The following FCSK variants were observed in gnomAD, a reference collection of about 807,000 sequenced individuals.
The protein encoded by FCSK is fucose kinase, also known as L-fucose kinase.
In FCSK, 123 loss-of-function variants were observed where a neutral mutation model predicts 122.5. The observed-to-expected ratio is 1.00, with a 90% CI of 0.87 to 1.17. The LOEUF (loss-of-function observed/expected upper bound fraction) is 1.17, where lower values mean the gene tolerates loss of function less well. Ranked by LOEUF, FCSK falls within the 50% of genes most tolerant of loss-of-function variation. The pLI is 0.00. For missense variants in FCSK, 1,366 were observed against 1,450.4 expected, an observed-to-expected ratio of 0.94 and a Z score of 0.95; for synonymous variants, 620 against 625.5, an observed-to-expected ratio of 0.99 and a Z score of 0.13.
At position 70,455,441 on chromosome 16, in the gene FCSK, C is replaced by G. The variant is rs571855979; in HGVS notation, c.-23+811C>G. On this transcript the variant is annotated intron_variant, in intron 1 of 23. Transcript: ENST00000288078. Reference sequence around the variant, plus strand: ...TGGAGGTTGCAGTGAGCCAAGATCACGCCACTGCACTCCACCCTGGGCGAC... The same window carrying G: ...TGGAGGTTGCAGTGAGCCAAGATCAGGCCACTGCACTCCACCCTGGGCGAC... 2.6e-5 allele frequency among the ~76,000 whole-genome samples: 4 copies of G among 151,880 alleles called. No homozygotes were observed. The South Asian group carries it at 8.3e-4, about 32-fold the overall frequency.
At chr16:70,477,614 G>A (rs1010561781) in intron 20 of FCSK, 4 of 152,296 alleles carry the variant, frequency 2.6e-5, no homozygotes, top group Admixed American at 6.5e-5. Context: ...TAAACCACCT[G>A]TCAGAAGACG....
chr16:70,479,135 G>A lies in FCSK; in HGVS notation c.2930-45G>A, dbSNP rs375222635. On this transcript the variant is annotated intron_variant, in intron 22 of 23. Coordinates refer to ENST00000288078, the MANE Select transcript of FCSK (RefSeq NM_145059.3). ...TTCATGCAATCTCCAGATGGGTGCT[G>A]AGTATCTTGGCCCAGGCACGTCACT... 3 of 1,427,674 alleles carry A rather than the reference G, an allele frequency of 2.1e-6. No individual in the cohort carries two copies. In the African/African-American group the frequency reaches 4.2e-5, roughly 20 times the overall value. The allele number at this position is 1,427,674 out of a possible 1,614,324, so 88.4% of individuals were successfully genotyped here. A position where few individuals can be genotyped will look rare whatever the true frequency, so the allele number is the denominator to read the frequency against.
intron 1 of FCSK, among the ~76,000 whole-genome samples, chr16:70,460,205 G>GGGTTCA (rs1163213122): frequency 1.4e-5 from 2 of 147,384 alleles, no homozygotes; most frequent in Middle Eastern, 3.3e-3. Context: ...TCCGCCTCCC[G>GGGTTCA]GGTTCATGCC....
chr16:70,478,511 G>T, intron 21 of FCSK, 40 bp from the exon 22 acceptor site: 1 of 1,613,446 alleles, frequency 6.2e-7, no homozygotes, highest in Non-Finnish European at 8.5e-7. Flanking sequence ...TGCCAGCTGG[G>T]CCTGGGTCCT....
rs534767610 is a variant in FCSK at position 70,473,279 on chromosome 16, T to G, written c.1703T>G (p.Leu568Arg). ...CACGTGCTGGAGGCCCGGCAGGACCTCAGCCTGCGCCCGCTGATCTGGGCT... is the reference window on the plus strand; with the variant it reads ...CACGTGCTGGAGGCCCGGCAGGACCGCAGCCTGCGCCCGCTGATCTGGGCT... ...ARHVLEARQDLSLRPLIWAAV... is the reference protein window; with the variant it reads ...ARHVLEARQDRSLRPLIWAAV... The change falls in exon 15 of 24, where the codon CTC (leucine) becomes CGC (arginine). Residue 568 changes from leucine to arginine, a missense_variant. Physicochemically the swap from Leu to Arg is moderately radical, Grantham distance 102. Coordinates refer to ENST00000288078, the MANE Select transcript of FCSK (RefSeq NM_145059.3). The surrounding 1 kb of genome is among the most constrained non-coding windows in gnomAD (Gnocchi z 4.9). The G allele has an allele frequency of 2.0e-6, 3 of 1,529,894 alleles. No individual in the cohort carries two copies. Among genetic ancestry groups the G allele is most frequent in the East Asian group, 4.9e-5 (2 of 40,616 alleles). 94.8% of individuals were successfully genotyped at this position (1,529,894 alleles called of 1,614,324 possible). A position where few individuals can be genotyped will look rare whatever the true frequency, so the allele number is the denominator to read the frequency against.
chr16:70,476,688 C>T (rs1266026122), intron 20 of FCSK, among the ~76,000 whole-genome samples: 1 of 152,210 alleles, frequency 6.6e-6, no homozygotes, highest in Non-Finnish European at 1.5e-5. Flanking sequence ...CTACTGAAGC[C>T]TGACTGTGGT....
chr16:70,466,160 G>T lies in FCSK; in HGVS notation c.314G>T (p.Gly105Val), dbSNP rs773180754. 10 of 1,613,876 alleles carry T rather than the reference G, an allele frequency of 6.2e-6. No individual in the cohort carries two copies. Among genetic ancestry groups the T allele is most frequent in the Non-Finnish European group, 8.5e-6 (10 of 1,179,920 alleles). Residue 105 changes from glycine to valine, a missense_variant, in exon 5 of 24, where the codon GGC becomes GTC. Transcript: ENST00000288078. The stretch of plus-strand genomic sequence containing the variant: ...CGAGACTTCCCCTTTGATGACTGTG[G>T]CAGGGCTTTCACCTGCCTCCCCGTG... ...MGRDFPFDDCGRAFTCLPVEN... is the reference protein window; with the variant it reads ...MGRDFPFDDCVRAFTCLPVEN...
Position 70,466,906 on chromosome 16 carries a change from G to C in FCSK, c.436G>C (p.Val146Leu), listed in dbSNP as rs17881323. The C allele has an allele frequency of 2.5e-6, 4 of 1,613,910 alleles. No homozygotes were observed. Among genetic ancestry groups the C allele is most frequent in the South Asian group, 2.2e-5 (2 of 91,080 alleles). ...GCTGGGCCCGGGCTCCCCGCCAGGC[G>C]TGTGGGTCTGCAGCACCGACATGCT... is the stretch of plus-strand genomic sequence containing the variant. Reference protein sequence around the residue: ...YRLGPGSPPGVWVCSTDMLLS... With the variant: ...YRLGPGSPPGLWVCSTDMLLS... The change falls in exon 6 of 24, where the codon GTG becomes CTG. Residue 146 changes from valine (V) to leucine (L), a missense_variant. Val to Leu is a conservative substitution (Grantham distance 32). Coordinates refer to ENST00000288078, the MANE Select transcript of FCSK (RefSeq NM_145059.3).
chr16:70,465,989 A>G (rs1400952320), intron 4 of FCSK, 143 bp from the exon 5 acceptor site: 1 of 868,546 alleles, frequency 1.2e-6, no homozygotes, highest in Non-Finnish European at 1.8e-6. Context: ...TGCAATGCAT[A>G]ATATAAAAAT....
intron 5 of FCSK, chr16:70,466,460 A>G (rs953633201): frequency 3.3e-6 from 2 of 597,124 alleles, no homozygotes; most frequent in Admixed American, 3.1e-5. Context: ...TGAGAAGCCA[A>G]AGTGGGAGGA....
intron 20 of FCSK, among the ~76,000 whole-genome samples, chr16:70,476,924 G>A (rs1402716029): frequency 6.6e-6 from 1 of 152,202 alleles, no homozygotes; most frequent in African/African-American, 2.4e-5. Context: ...GCCCTCAAAA[G>A]TCCTGTGGTC....
chr16:70,475,361 A>G lies in FCSK; in HGVS notation c.2389A>G (p.Lys797Glu). Residue 797 changes from lysine (K) to glutamate (E), a missense_variant, in exon 19 of 24, where the codon AAG (lysine) becomes GAG (glutamate). Coordinates refer to ENST00000288078, the MANE Select transcript of FCSK (RefSeq NM_145059.3). ...CQPHAPGALL[K>E]AAFICAGIVH... ...CTGTCCTTCTGCAGGGGCCCTGCTG[A>G]AGGCGGCCTTCATCTGTGCAGGGAT... is the stretch of plus-strand genomic sequence containing the variant. 1 of 1,610,246 alleles carries G rather than the reference A, an allele frequency of 6.2e-7. No homozygotes were observed. The highest frequency in any genetic ancestry group is 8.5e-7 in the Non-Finnish European group (1 of 1,179,838).
chr16:70,459,084 A>C (rs8061431), intron 1 of FCSK, among the ~76,000 whole-genome samples: 2 of 151,852 alleles, frequency 1.3e-5, no homozygotes, highest in Admixed American at 6.6e-5. Context: ...TTAGCTAGGC[A>C]TGGTGGCATG....
intron 22 of FCSK, 117 bp downstream of exon 22, chr16:70,478,767 G>C (rs919262699): frequency 1.2e-6 from 1 of 840,230 alleles, no homozygotes; most frequent in Admixed American, 2.0e-5. Flanking sequence ...CGGCCTCTGG[G>C]AACAGAAGCC....
At chr16:70,475,821 G>A (rs112879611) in intron 20 of FCSK, 54 bp downstream of exon 20, 30 of 1,488,536 alleles carry the variant, frequency 2.0e-5, no homozygotes, top group African/African-American at 1.7e-4. Context: ...CCAAGGGCCC[G>A]CGGGGGGAGT....
In FCSK at chr16:70,463,619, C is replaced by T; in HGVS notation, c.83-4C>T. The T allele has an allele frequency of 1.2e-6, 2 of 1,613,518 alleles. No individual in the cohort carries two copies. Among genetic ancestry groups the T allele is most frequent in the South Asian group, 2.2e-5 (2 of 91,074 alleles). On this transcript the variant is annotated splice_polypyrimidine_tract_variant and splice_region_variant and intron_variant, in intron 2 of 23. Coordinates refer to ENST00000288078, the MANE Select transcript of FCSK (RefSeq NM_145059.3). ...GCAGGTCCCAGTGTCTCTTCTGACCCTAGAACTGGAAGTGCGGCAGAAGCG... is the reference window on the plus strand; with the variant it reads ...GCAGGTCCCAGTGTCTCTTCTGACCTTAGAACTGGAAGTGCGGCAGAAGCG...
At position 70,463,734 on chromosome 16, in the gene FCSK, TG is replaced by T; in HGVS notation, c.196del (p.Val66TrpfsTer6). The T allele has an allele frequency of 1.9e-6, 3 of 1,612,426 alleles. No homozygotes were observed. The highest frequency in any genetic ancestry group is 2.5e-6 in the Non-Finnish European group (3 of 1,179,922). ...GGAGGAGCCACCCTCAACGCCCTGCTGGTGGCTGCTGAACACCTGAGTGCCC... is the reference window on the plus strand; with the variant it reads ...GGAGGAGCCACCCTCAACGCCCTGCTGTGGCTGCTGAACACCTGAGTGCCC... ...GSGGATLNALLVAAEHLSARA... is the reference protein window; with the variant it reads ...GSGGATLNALXVAAEHLSARA... On this transcript the variant is annotated frameshift_variant, in exon 3 of 24. Coordinates refer to ENST00000288078, the MANE Select transcript of FCSK (RefSeq NM_145059.3). LOFTEE classifies it high-confidence loss of function.
chr16:70,471,548 C>T (rs1212879135), intron 13 of FCSK, among the ~76,000 whole-genome samples, 196 bp downstream of exon 13: 1 of 152,224 alleles, frequency 6.6e-6, no homozygotes, highest in Non-Finnish European at 1.5e-5. Context: ...AGAGTCTCCA[C>T]AGGCCTTTAC....
rs2048436221 is a variant in FCSK at position 70,466,911 on chromosome 16, G to C, written c.441G>C (p.Trp147Cys). The C allele has an allele frequency of 1.9e-6, 3 of 1,613,834 alleles. No homozygotes were observed. Among genetic ancestry groups the C allele is most frequent in the Non-Finnish European group, 2.5e-6 (3 of 1,180,040 alleles). Residue 147 changes from tryptophan to cysteine, a missense_variant, in exon 6 of 24, where the codon TGG becomes TGC. By Grantham distance (215) the Trp-to-Cys change is radical. Transcript: ENST00000288078. ...RLGPGSPPGV[W>C]VCSTDMLLSV... ...GCCCGGGCTCCCCGCCAGGCGTGTG[G>C]GTCTGCAGCACCGACATGCTGCTGT...
Sources: allele counts gnomAD v4.1 joint callset (sites outside exome capture counted in the v4.1 genomes callset), GRCh38; gene constraint gnomAD v4.1.1; non-coding constraint Gnocchi (gnomAD v3.1); transcripts MANE v1.5; gene names NCBI Gene and HGNC (gene_info 2026-07-23, HGNC 2026-07-21).